Variants in VPS13C observed in about 807,000 individuals in gnomAD.
VPS13C encodes intermembrane lipid transfer protein VPS13C.
A neutral mutation model predicts 456.8 loss-of-function variants in VPS13C; 358 were observed. The observed-to-expected ratio is 0.78, with a 90% CI of 0.72 to 0.86. The LOEUF is 0.86. Among genes scored for constraint, VPS13C ranks in the 40% least tolerant of loss-of-function variants. The pLI, the probability that VPS13C is intolerant of heterozygous loss-of-function variation, is 0.00. For synonymous variants in VPS13C, 1,578 were observed against 1,486.7 expected (o/e 1.06, Z -1.41); for missense variants, 4,818 against 4,385.4 (o/e 1.10, Z -2.79).
rs2048963498 is a variant in VPS13C at position 62,060,357 on chromosome 15, C to T, written c.18G>A (p.Val6=). MVLES[V]VADLLNRFLG... is the part of the protein sequence containing the mutation. The stretch of plus-strand genomic sequence containing the variant: ...GGAAGCGGTTCAGCAAGTCCGCGAC[C>T]ACCGACTCCAGCACCATGGTGGCGC... The change falls in exon 1 of 85, where the codon GTG becomes GTA. Residue 6 remains valine, a synonymous_variant. Transcript: ENST00000644861. The T allele has an allele frequency of 1.3e-6, 2 of 1,599,554 alleles. No individual in the cohort carries two copies. The highest frequency in any genetic ancestry group is 2.7e-5 in the African/African-American group (2 of 73,638).
At chr15:61,954,591 C>T (rs1299469883) in intron 37 of VPS13C, 37 bp from the exon 38 acceptor site, 11 of 1,550,320 alleles carry the variant, frequency 7.1e-6, no homozygotes, top group Non-Finnish European at 9.5e-6. Context: ...CTTTTATTCA[C>T]AAATTTCTTC....
chr15:61,865,142 C>T (rs868266636), intron 81 of VPS13C: 8 of 984,766 alleles, frequency 8.1e-6, no homozygotes, highest in African/African-American at 5.2e-5. Flanking sequence ...AAAATATTCA[C>T]GTCCCCTTTC....
intron 24 of VPS13C, among the ~76,000 whole-genome samples, chr15:61,975,806 C>T (rs1237719295): frequency 6.6e-6 from 1 of 151,960 alleles, no homozygotes; most frequent in East Asian, 1.9e-4. Context: ...ACCAATATCC[C>T]TCACTAACAC....
intron 3 of VPS13C, among the ~76,000 whole-genome samples, chr15:62,037,595 C>G (rs776870389): frequency 3.7e-5 from 5 of 135,944 alleles, no homozygotes; most frequent in Non-Finnish European, 6.6e-5. Context: ...AATCTATGTT[C>G]CAATTTTAGA....
chr15:61,961,794 T>A lies in VPS13C; in HGVS notation c.3703A>T (p.Arg1235Trp). 1 of 1,614,026 alleles carries A rather than the reference T, an allele frequency of 6.2e-7. No individual in the cohort carries two copies. ...ATATTGATGGAAACACGAAAACTCC[T>A]CTGGGCAAGATCTTTCACACTTGTG... ...AATSVKDLAQ[R>W]SFRVSINIDL... is the part of the protein sequence containing the mutation. The change falls in exon 35 of 85, where the codon AGG (arginine) becomes TGG (tryptophan). Residue 1235 changes from arginine to tryptophan, a missense_variant. Physicochemically the swap from Arg to Trp is moderately radical, Grantham distance 101. Transcript: ENST00000644861.
At chr15:61,937,609 G>C (rs2044271053) in intron 47 of VPS13C, among the ~76,000 whole-genome samples, 1 of 152,160 alleles carries the variant, frequency 6.6e-6, no homozygotes, top group South Asian at 2.1e-4. Context: ...TGAGTAGCTA[G>C]AACTACTGGC....
rs1895884328 is a variant in VPS13C, at chr15:61,881,881, GT to G, written c.9625-54del. The G allele has an allele frequency of 2.0e-6, 3 of 1,484,096 alleles. No individual in the cohort carries two copies. In the East Asian group the frequency reaches 7.0e-5, roughly 35 times the overall value. 91.9% of individuals were successfully genotyped at this position (1,484,096 alleles called of 1,614,324 possible). On this transcript the variant is annotated intron_variant, in intron 69 of 84. Coordinates refer to ENST00000644861, the MANE Select transcript of VPS13C (RefSeq NM_020821.3). The stretch of plus-strand genomic sequence containing the variant: ...AGATTTCAAATAATTTAAACTTTTA[GT>G]TTCAAAGATAATGTTATAGAAGAGG...
At position 61,989,567 on chromosome 15, in the gene VPS13C, A is replaced by G. The variant is rs963465963; in HGVS notation, c.1578+1433T>C. Among the ~76,000 whole-genome samples, 8 of 152,294 alleles carry G rather than the reference A, an allele frequency of 5.3e-5. No individual in the cohort carries two copies. The South Asian group carries it at 1.0e-3, about 20-fold the overall frequency. ...AAAGAATTCCTACAAACCAATAAGA[A>G]AAAAAGACAACCTAATAATGAAGAA... On this transcript the variant is annotated intron_variant, in intron 18 of 84. Coordinates refer to ENST00000644861, the MANE Select transcript of VPS13C (RefSeq NM_020821.3).
chr15:61,964,060 T>G (rs2045302710), intron 31 of VPS13C, 109 bp from the exon 32 acceptor site: 2 of 601,404 alleles, frequency 3.3e-6, no homozygotes, highest in South Asian at 6.4e-5. Context: ...AAAAAAATTA[T>G]AACATTCTCC....
chr15:62,041,228 A>T, intron 3 of VPS13C, 96 bp downstream of exon 3: 1 of 1,338,016 alleles, frequency 7.5e-7, no homozygotes, highest in Non-Finnish European at 1.0e-6. Context: ...AAAATCTCTC[A>T]CACTTTTAAT....
intron 81 of VPS13C, chr15:61,863,971 A>C (rs1413160092): frequency 1.3e-5 from 2 of 152,284 alleles, no homozygotes; most frequent in Admixed American, 1.3e-4. Flanking sequence ...CGTAGTTCTA[A>C]AACTTTTTTC....
At chr15:62,012,964 A>G in intron 11 of VPS13C, 75 bp downstream of exon 11, 1 of 992,536 alleles carries the variant, frequency 1.0e-6, no homozygotes, top group Non-Finnish European at 1.5e-6. Context: ...TCCTGTCCTC[A>G]TGAAGGCCCT....
chr15:61,879,856 G>A (rs753984395), intron 73 of VPS13C, among the ~76,000 whole-genome samples: 1 of 151,968 alleles, frequency 6.6e-6, no homozygotes, highest in Non-Finnish European at 1.5e-5. Context: ...CAAACTAATA[G>A]ATCAATTTAA....
At chr15:61,983,679 G>T in intron 20 of VPS13C, 141 bp downstream of exon 20, 1 of 938,404 alleles carries the variant, frequency 1.1e-6, no homozygotes, top group Non-Finnish European at 1.6e-6. Context: ...AACATATACT[G>T]CTTTTGAAAC....
intron 1 of VPS13C, among the ~76,000 whole-genome samples, chr15:62,048,352 T>C (rs1329677317): frequency 2.1e-5 from 3 of 145,654 alleles, no homozygotes; most frequent in Admixed American, 7.1e-5. Context: ...GAACATGTGG[T>C]GTTTGGTTTT....
In VPS13C at chr15:61,920,316, T is replaced by C; in HGVS notation, c.7228A>G (p.Thr2410Ala). ...NNLAKGFSEG[T>A]ASTFDYSLKD... Reference sequence around the variant, plus strand: ...AAAGAGTAGTCAAAAGTAGAAGCAGTGCCCTCTGAAAAACCCTGAAAAGGA... The same window carrying C: ...AAAGAGTAGTCAAAAGTAGAAGCAGCGCCCTCTGAAAAACCCTGAAAAGGA... The change falls in exon 57 of 85, where the codon ACT (threonine) becomes GCT (alanine). Residue 2410 changes from threonine to alanine, a missense_variant. Thr to Ala is a moderately conservative substitution (Grantham distance 58). Around this residue, in one of 3 missense-constraint regions of VPS13C, gnomAD observed 4,552 missense variants for 4,130.6 expected, o/e 1.10. Coordinates refer to ENST00000644861, the MANE Select transcript of VPS13C (RefSeq NM_020821.3). The C allele has an allele frequency of 6.3e-7, 1 of 1,598,906 alleles. No homozygotes were observed. Among genetic ancestry groups the C allele is most frequent in the Non-Finnish European group, 8.5e-7 (1 of 1,169,930 alleles).
intron 30 of VPS13C, among the ~76,000 whole-genome samples, chr15:61,965,275 T>C (rs2045343715): frequency 6.6e-6 from 1 of 151,898 alleles, no homozygotes; most frequent in Non-Finnish European, 1.5e-5. Flanking sequence ...ACTTCAAAGG[T>C]GGCATCCGTG....
rs533112941 is a variant in VPS13C at position 62,046,475 on chromosome 15, T to C, written c.101-2220A>G. Among the ~76,000 whole-genome samples the C allele has an allele frequency of 4.6e-5, 7 of 152,292 alleles. No homozygotes were observed. The East Asian group carries it at 1.2e-3, about 25-fold the overall frequency. ...CATGATGAATTACACAAAATTACAA[T>C]TGGGAAGTCTATTCTAGCCTACAGG... On this transcript the variant is annotated intron_variant, in intron 1 of 84. Coordinates refer to ENST00000644861, the MANE Select transcript of VPS13C (RefSeq NM_020821.3).
chr15:61,954,506 T>C lies in VPS13C; in HGVS notation c.4214A>G (p.Asp1405Gly). The change falls in exon 38 of 85, where the codon GAT becomes GGT. Residue 1405 changes from aspartate (D) to glycine (G), a missense_variant. Transcript: ENST00000644861. Reference protein sequence around the residue: ...LEISISQDVHDSKNTLTTGVE... With the variant: ...LEISISQDVHGSKNTLTTGVE... ...TCCAGTTGTTAAAGTATTTTTTGAA[T>C]CATGTACATCTTGTGATATAGAGAT... 6.2e-7 allele frequency: 1 copy of C among 1,608,994 alleles called. No homozygotes were observed. Among genetic ancestry groups the C allele is most frequent in the Non-Finnish European group, 8.5e-7 (1 of 1,177,800 alleles).
Sources: allele counts gnomAD v4.1 joint callset (sites outside exome capture counted in the v4.1 genomes callset), GRCh38; gene constraint gnomAD v4.1.1; regional missense constraint gnomAD v4.1.1; transcripts MANE v1.5; gene names NCBI Gene and HGNC (gene_info 2026-07-23, HGNC 2026-07-21).